Variants in SRGAP2 observed in about 807,000 individuals in gnomAD.
SRGAP2 encodes SLIT-ROBO Rho GTPase activating protein 2, also known as SLIT-ROBO Rho GTPase-activating protein 2.
Under a neutral mutation model 57.2 loss-of-function variants are expected in SRGAP2, and 15 were observed. The ratio of observed to expected loss-of-function variants is 0.26; its 90% CI spans 0.18 to 0.40. The LOEUF (loss-of-function observed/expected upper bound fraction) is 0.40, where lower values mean the gene tolerates loss of function less well. Ranked by LOEUF, SRGAP2 falls within the 10% of genes least tolerant of loss-of-function variation. SRGAP2 has a pLI of 1.00. For synonymous variants in SRGAP2, 249 were observed against 248.0 expected (o/e 1.00, Z -0.04); for missense variants, 520 against 669.6 (o/e 0.78, Z 2.47).
rs1159940831 is a variant in SRGAP2 at position 206,418,888 on chromosome 1, C to CTGTGTGTG, written c.1442-443_1442-436dup. Among the ~76,000 whole-genome samples the CTGTGTGTG allele has an allele frequency of 2.0e-3, 275 of 136,624 alleles. 2 individuals carry two copies. The highest frequency in any genetic ancestry group is 3.6e-3 in the Middle Eastern group (1 of 276). 89.6% of individuals were successfully genotyped at this position (136,624 alleles called of 152,430 possible). A position where few individuals can be genotyped will look rare whatever the true frequency, so the allele number is the denominator to read the frequency against. ...TTGTTCTCTCAGCCTCCAACTCTCT[C>CTGTGTGTG]TGTGTGTGTGTGTGTGTGTGTGTGT... is the stretch of plus-strand genomic sequence containing the variant. On this transcript the variant is annotated intron_variant, in intron 11 of 22. Transcript: ENST00000573034.
At chr1:206,436,730 C>G (rs1553370160) in intron 14 of SRGAP2, among the ~76,000 whole-genome samples, 1 of 152,158 alleles carries the variant, frequency 6.6e-6, no homozygotes, top group Admixed American at 6.5e-5. Flanking sequence ...TCATAGTCGC[C>G]CTTGGAGTCA....
At chr1:206,418,839 G>C (rs1273938993) in intron 11 of SRGAP2, among the ~76,000 whole-genome samples, 17 of 150,312 alleles carry the variant, frequency 1.1e-4, no homozygotes, top group African/African-American at 3.7e-4. Flanking sequence ...TATCTTCTCT[G>C]TTCTCTCCCG....
chr1:206,442,759 A>G (rs1440629869), intron 17 of SRGAP2, among the ~76,000 whole-genome samples: 1 of 152,242 alleles, frequency 6.6e-6, no homozygotes, highest in Non-Finnish European at 1.5e-5. Context: ...CAAGACACAA[A>G]TGATAAAGCA....
At chr1:206,384,789 AACAC>A (rs1239280262) in intron 5 of SRGAP2, among the ~76,000 whole-genome samples, 2 of 150,752 alleles carry the variant, frequency 1.3e-5, no homozygotes, top group South Asian at 4.3e-4. Context: ...AATGAAAACA[AACAC>A]ACACTCACAC....
At chr1:206,332,860 G>A (rs1434736490) in intron 3 of SRGAP2, among the ~76,000 whole-genome samples, 15 of 151,010 alleles carry the variant, frequency 9.9e-5, no homozygotes, top group Non-Finnish European at 1.9e-4. Context: ...GAGGAACTGC[G>A]TTCCTTTGGA....
At chr1:206,245,056 A>T (rs1553309928) in intron 2 of SRGAP2, among the ~76,000 whole-genome samples, 1 of 135,090 alleles carries the variant, frequency 7.4e-6, no homozygotes, top group Non-Finnish European at 1.6e-5. Context: ...CTTAGATGAG[A>T]TACATGGCAG....
chr1:206,422,558 C>A (rs1054678980), intron 13 of SRGAP2, among the ~76,000 whole-genome samples: 34 of 152,122 alleles, frequency 2.2e-4, no homozygotes, highest in African/African-American at 8.2e-4. Flanking sequence ...AGCCATTTTC[C>A]CTTTAACACT....
rs1342685385 is a variant in SRGAP2 at position 206,454,593 on chromosome 1, T to C, written c.2361-285T>C. On this transcript the variant is annotated intron_variant, in intron 20 of 22. Transcript: ENST00000573034. The surrounding 1 kb of genome is among the most constrained non-coding windows in gnomAD (Gnocchi z 4.3). Reference sequence around the variant, plus strand: ...GGCCTCCCCAGGAAGCAGCATGGGGTAGAAGGCAGATGCCTCGAATCCAGG... The same window carrying C: ...GGCCTCCCCAGGAAGCAGCATGGGGCAGAAGGCAGATGCCTCGAATCCAGG... 2.2e-6 allele frequency: 1 copy of C among 446,580 alleles called. No homozygotes were observed. The highest frequency in any genetic ancestry group is 4.0e-6 in the Non-Finnish European group (1 of 252,280). 27.7% of individuals were successfully genotyped at this position (446,580 alleles called of 1,614,324 possible). A position where few individuals can be genotyped will look rare whatever the true frequency, so the allele number is the denominator to read the frequency against.
At chr1:206,220,743 C>T (rs1553304487) in intron 2 of SRGAP2, among the ~76,000 whole-genome samples, 1 of 152,094 alleles carries the variant, frequency 6.6e-6, no homozygotes, top group Non-Finnish European at 1.5e-5. Flanking sequence ...CAGACATTTG[C>T]TTCATTTGGG....
intron 3 of SRGAP2, among the ~76,000 whole-genome samples, chr1:206,336,233 AT>A (rs1337724969): frequency 2.5e-3 from 262 of 106,626 alleles, no homozygotes; most frequent in African/African-American, 9.6e-3. Flanking sequence ...ATCCTTTCTA[AT>A]CATCTGTCTA....
intron 4 of SRGAP2, among the ~76,000 whole-genome samples, chr1:206,369,203 A>T (rs1377801886): frequency 3.3e-5 from 5 of 152,246 alleles, no homozygotes; most frequent in African/African-American, 1.2e-4. Flanking sequence ...TAATATGTTT[A>T]TGAAATTAAA....
At chr1:206,267,037 T>C (rs1669898610) in intron 2 of SRGAP2, among the ~76,000 whole-genome samples, 1 of 147,268 alleles carries the variant, frequency 6.8e-6, no homozygotes, top group African/African-American at 2.5e-5. Flanking sequence ...GGCGCAATCT[T>C]GGCTCACTGC....
Position 206,433,099 on chromosome 1 carries a change from T to G in SRGAP2, c.1555+2877T>G, listed in dbSNP as rs369997343. Reference sequence around the variant, plus strand: ...GGGACTATATATATAGATATTCTTTTGCATTTCATTACCTTTTATATAAGA... The same window carrying G: ...GGGACTATATATATAGATATTCTTTGGCATTTCATTACCTTTTATATAAGA... On this transcript the variant is annotated intron_variant, in intron 14 of 22. Coordinates refer to ENST00000573034, the MANE Select transcript of SRGAP2 (RefSeq NM_015326.5). Among the ~76,000 whole-genome samples, 14 of 152,350 alleles carry G rather than the reference T, an allele frequency of 9.2e-5. No homozygotes were observed. In the East Asian group the frequency reaches 1.2e-3, roughly 13 times the overall value.
Position 206,439,978 on chromosome 1 carries a change from A to G in SRGAP2, c.1771A>G (p.Met591Val). ...IFHDLMACVT[M>V]DNLQERALHI... ...ACACATGGCTTTCTTCTTTTCAGCA[A>G]TGGACAACCTGCAGGAGAGAGCTCT... The change falls in exon 17 of 23, where the codon ATG (methionine) becomes GTG (valine). Residue 591 changes from methionine to valine, a missense_variant and splice_region_variant. Transcript: ENST00000573034. 1.3e-6 allele frequency: 1 copy of G among 780,788 alleles called. No individual in the cohort carries two copies. The highest frequency in any genetic ancestry group is 1.7e-5 in the Admixed American group (1 of 59,030). The allele number at this position is 780,788 out of a possible 1,614,324, so 48.4% of individuals were successfully genotyped here.
chr1:206,430,643 AG>A (rs1661208321), intron 14 of SRGAP2, among the ~76,000 whole-genome samples: 1 of 152,250 alleles, frequency 6.6e-6, no homozygotes. Flanking sequence ...CCAATGTTGC[AG>A]TGATTCCTAA....
At chr1:206,364,039 C>G (rs1677099847) in intron 4 of SRGAP2, among the ~76,000 whole-genome samples, 1 of 147,286 alleles carries the variant, frequency 6.8e-6, no homozygotes, top group Admixed American at 6.8e-5. Context: ...AAAGATTACT[C>G]TGAAATGTTT....
intron 21 of SRGAP2, 23 bp downstream of exon 21, chr1:206,455,047 TG>T (rs1663706248): frequency 2.6e-6 from 2 of 780,634 alleles, no homozygotes; most frequent in Non-Finnish European, 4.8e-6. Flanking sequence ...TTTCATTTTC[TG>T]CTCCCCTGAA....
At chr1:206,420,431 G>C (rs1448741561) in intron 12 of SRGAP2, among the ~76,000 whole-genome samples, 2 of 152,194 alleles carry the variant, frequency 1.3e-5, no homozygotes, top group East Asian at 1.9e-4. Context: ...AAAGAGCTGA[G>C]TTGAATTTCC....
rs200586315 is a variant in SRGAP2 at position 206,450,372 on chromosome 1, T to G, written c.2100-14T>G. 1.3e-6 allele frequency: 1 copy of G among 780,554 alleles called. No homozygotes were observed. The highest frequency in any genetic ancestry group is 2.4e-6 in the Non-Finnish European group (1 of 417,910). The allele number at this position is 780,554 out of a possible 1,614,324, so 48.4% of individuals were successfully genotyped here. A position where few individuals can be genotyped will look rare whatever the true frequency, so the allele number is the denominator to read the frequency against. On this transcript the variant is annotated splice_polypyrimidine_tract_variant and intron_variant, in intron 18 of 22. Transcript: ENST00000573034. ...CACATGTTAATGTCCCTGTCACTCTTGCTTCTGTTGCAGTGATAGCCCTCA... is the reference window on the plus strand; with the variant it reads ...CACATGTTAATGTCCCTGTCACTCTGGCTTCTGTTGCAGTGATAGCCCTCA...
Sources: allele counts gnomAD v4.1 joint callset (sites outside exome capture counted in the v4.1 genomes callset), GRCh38; gene constraint gnomAD v4.1.1; non-coding constraint Gnocchi (gnomAD v3.1); transcripts MANE v1.5; gene names NCBI Gene and HGNC (gene_info 2026-07-23, HGNC 2026-07-21).